GAS7: variants seen among roughly 807,000 people sequenced by gnomAD.
GAS7 encodes growth arrest specific 7.
Under a neutral mutation model 71.1 loss-of-function variants are expected in GAS7, and 28 were observed. The ratio of observed to expected loss-of-function variants is 0.39; its 90% CI spans 0.29 to 0.54. The LOEUF (loss-of-function observed/expected upper bound fraction) is 0.54. Ranked by LOEUF, GAS7 falls within the 20% of genes least tolerant of loss-of-function variation. The pLI is 0.62. For synonymous variants in GAS7, 258 were observed against 245.8 expected (o/e 1.05, Z -0.46); for missense variants, 436 against 627.8 (o/e 0.69, Z 3.27).
intron 1 of GAS7, among the ~76,000 whole-genome samples, chr17:10,083,139 T>C (rs2073476763): frequency 2.0e-5 from 3 of 152,268 alleles, no homozygotes; most frequent in Non-Finnish European, 4.4e-5. Flanking sequence ...TGAGAAATTA[T>C]AGCTCAGTAA....
At chr17:9,945,235 C>T (rs867050397) in intron 6 of GAS7, among the ~76,000 whole-genome samples, 5 of 152,052 alleles carry the variant, frequency 3.3e-5, no homozygotes, top group Middle Eastern at 3.2e-3. Flanking sequence ...CCCTCTCTGC[C>T]GCCACCACCA....
chr17:10,070,032 G>A (rs1165031356), intron 1 of GAS7, among the ~76,000 whole-genome samples: 1 of 152,032 alleles, frequency 6.6e-6, no homozygotes, highest in East Asian at 1.9e-4. Flanking sequence ...TGATTCACTG[G>A]TACTGAAAGT....
intron 1 of GAS7, among the ~76,000 whole-genome samples, chr17:10,108,433 G>A (rs2073780256): frequency 6.6e-6 from 1 of 152,178 alleles, no homozygotes; most frequent in African/African-American, 2.4e-5. Flanking sequence ...CTCAGGGTAT[G>A]CTTAACTTAT....
At chr17:9,934,711 A>G (rs1477237566) in intron 8 of GAS7, among the ~76,000 whole-genome samples, 1 of 152,172 alleles carries the variant, frequency 6.6e-6, no homozygotes, top group East Asian at 1.9e-4. Context: ...AACAGGTTCT[A>G]TTCCAGGGAG....
chr17:10,148,336 C>T (rs187351658), intron 1 of GAS7, among the ~76,000 whole-genome samples: 44 of 151,944 alleles, frequency 2.9e-4, no homozygotes, highest in Non-Finnish European at 7.4e-5. Context: ...AAGAGCCAGA[C>T]GCAGCGGCTC....
chr17:9,923,248 CA>C (rs11413957), intron 11 of GAS7, among the ~76,000 whole-genome samples: 254 of 135,300 alleles, frequency 1.9e-3, no homozygotes, highest in East Asian at 6.9e-3. Context: ...ACACCTGAAA[CA>C]AAAAAAAAAA....
chr17:9,952,499 CTCCTGCT>C (rs1405528454), intron 5 of GAS7, among the ~76,000 whole-genome samples: 1 of 152,156 alleles, frequency 6.6e-6, no homozygotes, highest in Non-Finnish European at 1.5e-5. Flanking sequence ...TCAAGCGATT[CTCCTGCT>C]TCAGCCTCGC....
rs923344776 is a variant in GAS7 at position 9,912,137 on chromosome 17, G to C, written c.*5091C>G. ...GTCATTACTTGCACTGTCTTTGGGG[G>C]GTCCTAGGAGAAACTACCTCATTCT... On this transcript the variant is annotated 3_prime_UTR_variant, in exon 14 of 14. Coordinates refer to ENST00000432992, the MANE Select transcript of GAS7 (RefSeq NM_201433.2). The C allele has an allele frequency of 1.3e-5, 3 of 232,124 alleles. No individual in the cohort carries two copies. The highest frequency in any genetic ancestry group is 6.6e-5 in the African/African-American group (3 of 45,248). The allele number at this position is 232,124 out of a possible 1,614,324, so 14.4% of individuals were successfully genotyped here.
chr17:10,035,536 C>T (rs2072727835), intron 1 of GAS7, among the ~76,000 whole-genome samples: 1 of 152,160 alleles, frequency 6.6e-6, no homozygotes, highest in African/African-American at 2.4e-5. Flanking sequence ...GAACAGGAAG[C>T]CATGCCAGAA....
At chr17:9,929,080 A>C (rs1244570838) in intron 9 of GAS7, among the ~76,000 whole-genome samples, 1 of 152,122 alleles carries the variant, frequency 6.6e-6, no homozygotes, top group African/African-American at 2.4e-5. Context: ...AAATCTTGAG[A>C]GCTTACGAGA....
chr17:10,071,939 G>GAA lies in GAS7; in HGVS notation c.184-52044_184-52043dup, dbSNP rs57043066. ...GCAACAGAGTGAGACTCCATCTCAA[G>GAA]AAAAAAAAAAAAAAGAAAAGAAAAA... On this transcript the variant is annotated intron_variant, in intron 1 of 13. Coordinates refer to ENST00000432992, the MANE Select transcript of GAS7 (RefSeq NM_201433.2). Among the ~76,000 whole-genome samples the GAA allele has an allele frequency of 3.1e-3, 379 of 121,194 alleles. 5 individuals are homozygous for GAA. Among genetic ancestry groups the GAA allele is most frequent in the African/African-American group, 8.2e-3 (276 of 33,810 alleles). The allele number at this position is 121,194 out of a possible 152,430, so 79.5% of individuals were successfully genotyped here. A position where few individuals can be genotyped will look rare whatever the true frequency, so the allele number is the denominator to read the frequency against.
At chr17:9,968,794 C>T (rs887261) in intron 4 of GAS7, among the ~76,000 whole-genome samples, 73,427 of 151,990 alleles carry the variant, frequency 0.48, 17,720 homozygotes, top group Admixed American at 0.52. Flanking sequence ...CCACTGCACA[C>T]GCAGCTACTG....
intron 3 of GAS7, among the ~76,000 whole-genome samples, chr17:9,979,861 T>TAAA (rs1567849324): frequency 7.4e-6 from 1 of 134,784 alleles, no homozygotes; most frequent in Non-Finnish European, 1.6e-5. Flanking sequence ...TTTGATTGTT[T>TAAA]TAAAAAAAAA....
intron 1 of GAS7, among the ~76,000 whole-genome samples, chr17:10,029,616 G>C (rs1328157381): frequency 6.6e-6 from 1 of 152,150 alleles, no homozygotes; most frequent in Non-Finnish European, 1.5e-5. Flanking sequence ...TATTTTGGGA[G>C]TCCAAGGTAG....
intron 1 of GAS7, among the ~76,000 whole-genome samples, chr17:10,149,726 C>T (rs1026176372): frequency 6.6e-6 from 1 of 152,052 alleles, no homozygotes; most frequent in South Asian, 2.1e-4. Context: ...ACAGGTAAAA[C>T]GTGGCATATC....
chr17:9,940,257 G>T, intron 7 of GAS7, 57 bp from the exon 8 acceptor site: 1 of 1,223,190 alleles, frequency 8.2e-7, no homozygotes, highest in Non-Finnish European at 1.2e-6. Flanking sequence ...TCGTGGGTCT[G>T]CCCTGCTGCC....
intron 8 of GAS7, among the ~76,000 whole-genome samples, chr17:9,937,749 TGAC>T (rs1296066427): frequency 6.6e-6 from 1 of 152,208 alleles, no homozygotes; most frequent in Non-Finnish European, 1.5e-5. Context: ...CATGGCTCGC[TGAC>T]GACCACAACC....
chr17:9,990,927 G>T (rs191199911), intron 2 of GAS7, among the ~76,000 whole-genome samples: 82 of 152,298 alleles, frequency 5.4e-4, no homozygotes, highest in African/African-American at 1.9e-3. Context: ...AAAAATCCCA[G>T]ATCTATTCCT....
intron 1 of GAS7, among the ~76,000 whole-genome samples, chr17:10,075,387 A>AATTTT (rs1481815519): frequency 6.6e-6 from 1 of 152,070 alleles, no homozygotes; most frequent in African/African-American, 2.4e-5. Context: ...AAATTAAAAT[A>AATTTT]AACTTCATAC....
Sources: allele counts gnomAD v4.1 joint callset (sites outside exome capture counted in the v4.1 genomes callset), GRCh38; gene constraint gnomAD v4.1.1; transcripts MANE v1.5; gene names NCBI Gene and HGNC (gene_info 2026-07-23, HGNC 2026-07-21).